Variants in TGFB2 observed in about 807,000 individuals in gnomAD.
The protein encoded by TGFB2 is transforming growth factor beta 2, also known as transforming growth factor beta-2 proprotein.
In TGFB2, 13 loss-of-function variants were observed where a neutral mutation model predicts 42.7. The observed-to-expected ratio is 0.30, with a 90% confidence interval of 0.20 to 0.48. The LOEUF is 0.48. TGFB2 is among the 20% of genes least tolerant of loss of function. The pLI is 0.99. For missense variants in TGFB2, 390 were observed against 517.5 expected (o/e 0.75, Z 2.39); for synonymous variants, 193 against 193.6 (o/e 1.00, Z 0.03).
At chr1:218,371,549 G>A (rs1010318994) in intron 1 of TGFB2, among the ~76,000 whole-genome samples, 1 of 152,118 alleles carries the variant, frequency 6.6e-6, no homozygotes, top group Non-Finnish European at 1.5e-5. Context: ...GGCCCTGTTG[G>A]CAGTACCAGG....
At chr1:218,384,770 G>A (rs1488459575) in intron 1 of TGFB2, among the ~76,000 whole-genome samples, 1 of 152,216 alleles carries the variant, frequency 6.6e-6, no homozygotes, top group East Asian at 1.9e-4. Flanking sequence ...ACCAGAAAAG[G>A]ACAGAAGGCA....
chr1:218,375,449 A>T (rs1657710911), intron 1 of TGFB2, among the ~76,000 whole-genome samples: 1 of 151,744 alleles, frequency 6.6e-6, no homozygotes, highest in Admixed American at 6.6e-5. Context: ...AAAAAAAAAA[A>T]ACCCAACATT....
chr1:218,352,407 A>G (rs1371850822), intron 1 of TGFB2, among the ~76,000 whole-genome samples: 1 of 152,164 alleles, frequency 6.6e-6, no homozygotes, highest in Non-Finnish European at 1.5e-5. Context: ...TTTTGAAGGC[A>G]TATGTGTGCT....
chr1:218,404,536 G>C (rs1252529624), intron 1 of TGFB2, among the ~76,000 whole-genome samples: 1 of 152,208 alleles, frequency 6.6e-6, no homozygotes, highest in African/African-American at 2.4e-5. Flanking sequence ...CCCGCCAACA[G>C]ACATTATCCT....
rs201665922 is a variant in TGFB2, at chr1:218,360,855, A to AT, written c.346+13816dup. 8.0e-3 allele frequency among the ~76,000 whole-genome samples: 1,210 copies of AT among 151,822 alleles called. 24 individuals are homozygous for AT. Among genetic ancestry groups the AT allele is most frequent in the African/African-American group, 0.027 (1,107 of 41,394 alleles). ...CAATGATGTAGATGATTGAAAACTG[A>AT]TTTTTTTTCCTTTTTCTGAGACAGA... On this transcript the variant is annotated intron_variant, in intron 1 of 6. Transcript: ENST00000366930.
At chr1:218,382,904 T>C (rs1658010708) in intron 1 of TGFB2, among the ~76,000 whole-genome samples, 1 of 152,206 alleles carries the variant, frequency 6.6e-6, no homozygotes, top group Non-Finnish European at 1.5e-5. Context: ...TTTTAAGCAC[T>C]GGTGGTCTAT....
chr1:218,389,859 G>C (rs1658264206), intron 1 of TGFB2, among the ~76,000 whole-genome samples: 1 of 152,142 alleles, frequency 6.6e-6, no homozygotes, highest in African/African-American at 2.4e-5. Context: ...TAATATGTGA[G>C]AAATAAACAT....
chr1:218,406,351 T>A (rs971591572), intron 2 of TGFB2, among the ~76,000 whole-genome samples: 1 of 152,148 alleles, frequency 6.6e-6, no homozygotes, highest in African/African-American at 2.4e-5. Flanking sequence ...TTCAGAGATG[T>A]TCTTAAAAGC....
At chr1:218,356,342 C>T (rs1390071856) in intron 1 of TGFB2, among the ~76,000 whole-genome samples, 3 of 151,826 alleles carry the variant, frequency 2.0e-5, no homozygotes, top group African/African-American at 7.3e-5. Flanking sequence ...TCAGCCTCTA[C>T]AATAGTTGGG....
intron 1 of TGFB2, among the ~76,000 whole-genome samples, chr1:218,381,428 G>GT (rs1427053753): frequency 1.3e-5 from 2 of 151,878 alleles, no homozygotes; most frequent in Non-Finnish European, 2.9e-5. Context: ...GCTAATTTTT[G>GT]TATTTTTAGT....
rs532703200 is a variant in TGFB2 at position 218,360,189 on chromosome 1, A to C, written c.346+13142A>C. ...GGGCTCCAGAAACCTGCATCTTGAT[A>C]AGGCGGCCAGGTGATCCTTGTGCAG... On this transcript the variant is annotated intron_variant, in intron 1 of 6. Coordinates refer to ENST00000366930, the MANE Select transcript of TGFB2 (RefSeq NM_003238.6). Among the ~76,000 whole-genome samples the C allele has an allele frequency of 2.0e-5, 3 of 152,312 alleles. No individual in the cohort carries two copies. In the South Asian group the frequency reaches 6.2e-4, roughly 32 times the overall value.
intron 1 of TGFB2, among the ~76,000 whole-genome samples, chr1:218,400,560 G>T (rs183595440): frequency 6.6e-6 from 1 of 152,288 alleles, no homozygotes; most frequent in African/African-American, 2.4e-5. Context: ...TCTGCACTGG[G>T]ATGTGCTTGG....
At chr1:218,354,608 A>G (rs1484331007) in intron 1 of TGFB2, among the ~76,000 whole-genome samples, 3 of 152,226 alleles carry the variant, frequency 2.0e-5, no homozygotes, top group Non-Finnish European at 4.4e-5. Flanking sequence ...AGCTATTTCT[A>G]TTAGTGATGT....
At chr1:218,369,643 T>C (rs1317478018) in intron 1 of TGFB2, among the ~76,000 whole-genome samples, 1 of 152,210 alleles carries the variant, frequency 6.6e-6, no homozygotes, top group African/African-American at 2.4e-5. Context: ...CTGGAGTTCG[T>C]ACTCGCGGTG....
intron 1 of TGFB2, among the ~76,000 whole-genome samples, chr1:218,381,038 CTT>C (rs545269407): frequency 2.7e-4 from 41 of 152,252 alleles, no homozygotes; most frequent in African/African-American, 9.9e-4. Context: ...TCCAAGGTCT[CTT>C]TGTTACTTTA....
chr1:218,404,847 G>C (rs1658853684), intron 1 of TGFB2, among the ~76,000 whole-genome samples: 1 of 152,196 alleles, frequency 6.6e-6, no homozygotes, highest in Non-Finnish European at 1.5e-5. Flanking sequence ...GGCATGAACT[G>C]TCATAAACTT....
At chr1:218,385,605 C>T (rs899258371) in intron 1 of TGFB2, among the ~76,000 whole-genome samples, 1 of 152,206 alleles carries the variant, frequency 6.6e-6, no homozygotes, top group Non-Finnish European at 1.5e-5. Flanking sequence ...GATCTTCTCA[C>T]ATAGCTGCAG....
chr1:218,393,096 T>C (rs1224639921), intron 1 of TGFB2, among the ~76,000 whole-genome samples: 1 of 152,212 alleles, frequency 6.6e-6, no homozygotes, highest in African/African-American at 2.4e-5. Context: ...TAGAGAAAGA[T>C]TTTCGGCTAA....
chr1:218,399,545 G>T (rs1658643406), intron 1 of TGFB2, among the ~76,000 whole-genome samples: 1 of 152,204 alleles, frequency 6.6e-6, no homozygotes, highest in African/African-American at 2.4e-5. Flanking sequence ...GAAATTGCTT[G>T]ATGCAGAGCT....
Sources: allele counts gnomAD v4.1 joint callset (sites outside exome capture counted in the v4.1 genomes callset), GRCh38; gene constraint gnomAD v4.1.1; transcripts MANE v1.5; gene names NCBI Gene and HGNC (gene_info 2026-07-23, HGNC 2026-07-21).